Variants in ZC3H12B observed in about 807,000 individuals in gnomAD.
The protein encoded by ZC3H12B is probable ribonuclease ZC3H12B.
A neutral mutation model predicts 43.9 loss-of-function variants in ZC3H12B; 7 were observed. That is an observed-to-expected ratio of 0.16 (90% confidence interval 0.09 to 0.30). The LOEUF is 0.30. Ranked by LOEUF, ZC3H12B falls within the 10% of genes least tolerant of loss-of-function variation. The pLI, the probability that ZC3H12B is intolerant of heterozygous loss-of-function variation, is 1.00. For synonymous variants in ZC3H12B, 222 were observed against 241.7 expected (o/e 0.92, Z 0.76); for missense variants, 475 against 670.2 (o/e 0.71, Z 3.22).
At chrX:65,065,840 T>G in the ZC3H12B span, among the ~76,000 whole-genome samples, 8 of 109,509 alleles carry the variant, frequency 7.3e-5, no homozygotes, top group South Asian at 3.9e-4. Flanking sequence ...TTGTTTGTTT[T>G]TTTTTTATTC....
intron 4 of ZC3H12B, 113 bp from the exon 10 acceptor site, chrX:65,501,676 C>G: frequency 1.3e-6 from 1 of 783,240 alleles, no homozygotes; most frequent in African/African-American, 2.1e-5. Flanking sequence ...AATTTTCTGC[C>G]TTTACCCCAA....
At chrX:65,079,166 C>T in the ZC3H12B span, among the ~76,000 whole-genome samples, 1 of 112,719 alleles carries the variant, frequency 8.9e-6, no homozygotes, top group African/African-American at 3.2e-5. Context: ...TACATAATGA[C>T]TGTGTCATGT....
the ZC3H12B span, among the ~76,000 whole-genome samples, chrX:65,195,935 A>T: frequency 1.8e-5 from 2 of 111,990 alleles, no homozygotes; most frequent in Admixed American, 9.5e-5. Flanking sequence ...AACTTTTGTT[A>T]ATTAGTCTTA....
chrX:65,037,405 C>G, the ZC3H12B span, among the ~76,000 whole-genome samples: 1 of 111,773 alleles, frequency 8.9e-6, no homozygotes. Flanking sequence ...CATATTTTCT[C>G]CTAGGTAAAC....
At chrX:65,326,701 GTGAT>G in the ZC3H12B span, among the ~76,000 whole-genome samples, 2 of 111,357 alleles carry the variant, frequency 1.8e-5, no homozygotes, top group Non-Finnish European at 3.8e-5. Flanking sequence ...CTTTTTTAGA[GTGAT>G]AGATATACCA....
chrX:65,181,584 G>T, the ZC3H12B span, among the ~76,000 whole-genome samples: 315 of 111,758 alleles, frequency 2.8e-3, no homozygotes, highest in Admixed American at 4.8e-3. Context: ...ATCAGAAAGT[G>T]GGCAAAGGAT....
the ZC3H12B span, among the ~76,000 whole-genome samples, chrX:65,228,638 T>A: frequency 8.9e-6 from 1 of 111,958 alleles, no homozygotes; most frequent in African/African-American, 3.3e-5. Context: ...GAAAACCCGA[T>A]TGTCTCAGCC....
At chrX:65,317,264 AAAAC>A in the ZC3H12B span, among the ~76,000 whole-genome samples, 1 of 110,828 alleles carries the variant, frequency 9.0e-6, no homozygotes, top group East Asian at 2.8e-4. Context: ...TTAAAAAAAA[AAAAC>A]AAATCATAGC....
chrX:65,349,827 C>A, the ZC3H12B span, among the ~76,000 whole-genome samples: 1 of 111,690 alleles, frequency 9.0e-6, no homozygotes, highest in Non-Finnish European at 1.9e-5. Flanking sequence ...CCTGAATAAA[C>A]CAATAACAAG....
At chrX:65,399,404 C>T (rs947195550) in intron 3 of ZC3H12B, among the ~76,000 whole-genome samples, 3 of 111,991 alleles carry the variant, frequency 2.7e-5, no homozygotes, top group Non-Finnish European at 3.8e-5. Context: ...AGAGGACATA[C>T]ACATGGAAAA....
intron 3 of ZC3H12B, among the ~76,000 whole-genome samples, chrX:65,439,347 G>A (rs1263681045): frequency 1.8e-5 from 2 of 111,689 alleles, no homozygotes; most frequent in Admixed American, 9.5e-5. Context: ...TTACCATTTT[G>A]TTCAGATCAT....
the ZC3H12B span, among the ~76,000 whole-genome samples, chrX:65,109,248 G>A: frequency 6.3e-4 from 70 of 111,482 alleles, no homozygotes; most frequent in Non-Finnish European, 1.2e-3. Context: ...TGTACAATTT[G>A]ATGGCTTTTA....
At chrX:65,415,712 G>A (rs1471546997) in intron 3 of ZC3H12B, among the ~76,000 whole-genome samples, 2 of 111,751 alleles carry the variant, frequency 1.8e-5, no homozygotes, top group African/African-American at 3.3e-5. Flanking sequence ...TGGTTGAGGG[G>A]CTTAGAATTT....
the ZC3H12B span, among the ~76,000 whole-genome samples, chrX:65,070,478 T>A: frequency 0.14 from 15,781 of 110,975 alleles, 2,735 homozygotes; most frequent in African/African-American, 0.49. Context: ...TCTGCTAGCT[T>A]TGAGACTGGT....
At chrX:65,243,595 A>T in the ZC3H12B span, among the ~76,000 whole-genome samples, 1 of 111,943 alleles carries the variant, frequency 8.9e-6, no homozygotes, top group Non-Finnish European at 1.9e-5. Context: ...GAATTATCAT[A>T]TCATTCAGCA....
chrX:65,136,645 G>T, the ZC3H12B span, among the ~76,000 whole-genome samples: 1 of 111,298 alleles, frequency 9.0e-6, no homozygotes, highest in East Asian at 2.8e-4. Flanking sequence ...TGTCCCAATG[G>T]CATTTCTGGA....
the ZC3H12B span, among the ~76,000 whole-genome samples, chrX:65,159,254 G>A: frequency 2.2e-4 from 25 of 111,577 alleles, no homozygotes; most frequent in African/African-American, 6.8e-4. Context: ...TTGGCGATGC[G>A]GGCTCTTCTT....
At chrX:65,075,909 G>A in the ZC3H12B span, among the ~76,000 whole-genome samples, 70 of 111,617 alleles carry the variant, frequency 6.3e-4, no homozygotes, top group African/African-American at 1.7e-3. Flanking sequence ...AGAGACCATG[G>A]CGAGTGAGTA....
At chrX:65,107,125 A>G in the ZC3H12B span, among the ~76,000 whole-genome samples, 6 of 111,521 alleles carry the variant, frequency 5.4e-5, no homozygotes, top group South Asian at 2.3e-3. Context: ...TATGTTAAAG[A>G]GTGCAAAAGT....
Sources: allele counts gnomAD v4.1 joint callset (sites outside exome capture counted in the v4.1 genomes callset), GRCh38; gene constraint gnomAD v4.1.1; transcripts MANE v1.5; gene names NCBI Gene and HGNC (gene_info 2026-07-23, HGNC 2026-07-21).